The following GABRG3 variants were observed in gnomAD, a reference collection of about 807,000 sequenced individuals.
GABRG3 encodes gamma-aminobutyric acid type A receptor subunit gamma3, also known as gamma-aminobutyric acid receptor subunit gamma-3.
A neutral mutation model predicts 48.8 loss-of-function variants in GABRG3; 25 were observed. The observed-to-expected ratio is 0.51, with a 90% CI of 0.37 to 0.72. The LOEUF is 0.72. Among genes scored for constraint, GABRG3 ranks in the 30% least tolerant of loss-of-function variants. The probability of loss-of-function intolerance (pLI) is 0.00; values close to 1 mark genes in which losing one functional copy is unlikely to be tolerated. For missense variants in GABRG3, 394 were observed against 577.9 expected (o/e 0.68, Z 3.26); for synonymous variants, 227 against 217.6 (o/e 1.04, Z -0.38).
intron 3 of GABRG3, among the ~76,000 whole-genome samples, chr15:27,308,018 A>G (rs926320602): frequency 2.1e-5 from 3 of 140,214 alleles, no homozygotes; most frequent in Non-Finnish European, 4.6e-5. Flanking sequence ...ACGTATATAT[A>G]AAATAAACAT....
At chr15:27,310,902 G>A (rs1892971242) in intron 3 of GABRG3, among the ~76,000 whole-genome samples, 1 of 152,160 alleles carries the variant, frequency 6.6e-6, no homozygotes, top group South Asian at 2.1e-4. Flanking sequence ...TAGTGTTGGA[G>A]TAATTGGATG....
At chr15:27,183,702 A>G (rs2140418185) in intron 3 of GABRG3, among the ~76,000 whole-genome samples, 1 of 152,378 alleles carries the variant, frequency 6.6e-6, no homozygotes, top group South Asian at 2.1e-4. Flanking sequence ...GTATTATGCA[A>G]GAGGAATTTT....
intron 9 of GABRG3, among the ~76,000 whole-genome samples, chr15:27,531,197 C>T (rs1891415460): frequency 6.6e-6 from 1 of 152,156 alleles, no homozygotes; most frequent in Non-Finnish European, 1.5e-5. Flanking sequence ...GCAAGCAACA[C>T]CCTGTGAACA....
intron 3 of GABRG3, among the ~76,000 whole-genome samples, chr15:27,309,016 T>A (rs952727301): frequency 4.0e-5 from 6 of 150,654 alleles, no homozygotes; most frequent in Non-Finnish European, 3.0e-5. Context: ...AAAATATATG[T>A]TTATATAGAA....
chr15:27,063,145 A>G (rs1224877670), intron 3 of GABRG3, among the ~76,000 whole-genome samples: 1 of 152,250 alleles, frequency 6.6e-6, no homozygotes, highest in Non-Finnish European at 1.5e-5. Context: ...CTGTTGCAAG[A>G]TGAGGACAAA....
At chr15:27,477,309 A>G (rs567333362) in intron 5 of GABRG3, among the ~76,000 whole-genome samples, 2 of 152,346 alleles carry the variant, frequency 1.3e-5, no homozygotes, top group Admixed American at 6.5e-5. Context: ...CATATTACTA[A>G]TAAGCAAACC....
At chr15:27,085,670 T>A (rs1897063340) in intron 3 of GABRG3, among the ~76,000 whole-genome samples, 1 of 152,054 alleles carries the variant, frequency 6.6e-6, no homozygotes, top group South Asian at 2.1e-4. Context: ...AATAACAAAC[T>A]TTTTTTTGTT....
intron 3 of GABRG3, among the ~76,000 whole-genome samples, chr15:27,307,477 ATAGGTT>A (rs1338315373): frequency 0.14 from 2,183 of 15,762 alleles, 53 homozygotes; most frequent in Non-Finnish European, 0.25. Flanking sequence ...ATATATAAAC[ATAGGTT>A]TATAGGTTTA....
At chr15:27,529,212 A>T (rs1012168047) in intron 9 of GABRG3, among the ~76,000 whole-genome samples, 2 of 152,232 alleles carry the variant, frequency 1.3e-5, no homozygotes, top group Admixed American at 6.5e-5. Flanking sequence ...CCCTATAAAT[A>T]TTGACCAAGG....
chr15:27,163,380 A>AT (rs945402775), intron 3 of GABRG3, among the ~76,000 whole-genome samples: 5 of 151,792 alleles, frequency 3.3e-5, no homozygotes, highest in African/African-American at 7.3e-5. Flanking sequence ...TAATTTTCCT[A>AT]TTTTTTTGTA....
chr15:27,270,537 G>A (rs1891049028), intron 3 of GABRG3, among the ~76,000 whole-genome samples: 1 of 152,182 alleles, frequency 6.6e-6, no homozygotes, highest in South Asian at 2.1e-4. Flanking sequence ...GTCTGTACAA[G>A]TTGATTTCAC....
At chr15:26,990,508 A>G (rs1895227901) in intron 2 of GABRG3, among the ~76,000 whole-genome samples, 1 of 152,268 alleles carries the variant, frequency 6.6e-6, no homozygotes, top group Non-Finnish European at 1.5e-5. Flanking sequence ...TGAGCTCATT[A>G]TATATTCTGG....
intron 5 of GABRG3, among the ~76,000 whole-genome samples, chr15:27,374,729 C>T (rs147943131): frequency 3.3e-4 from 50 of 152,244 alleles, no homozygotes; most frequent in African/African-American, 1.1e-3. Context: ...GTGGACCACA[C>T]CTCAGAGTTA....
intron 5 of GABRG3, among the ~76,000 whole-genome samples, chr15:27,464,196 C>T (rs1311344225): frequency 1.3e-5 from 2 of 152,078 alleles, no homozygotes; most frequent in African/African-American, 2.4e-5. Context: ...TAACTATTAT[C>T]ACTTCCTAAT....
chr15:27,286,890 C>A (rs1891631555), intron 3 of GABRG3, among the ~76,000 whole-genome samples: 2 of 152,160 alleles, frequency 1.3e-5, no homozygotes, highest in Admixed American at 6.5e-5. Context: ...GCCCTACTCT[C>A]TCCCTCCAGA....
chr15:27,108,604 G>T (rs1219289487), intron 3 of GABRG3, among the ~76,000 whole-genome samples: 1 of 152,192 alleles, frequency 6.6e-6, no homozygotes, highest in East Asian at 1.9e-4. Context: ...TTGGTGGATA[G>T]TGCTGTCCAG....
chr15:27,180,639 GTGTC>G lies in GABRG3; in HGVS notation c.271-146162_271-146159del, dbSNP rs899925428. ...TGAACTTACACATTGTGCCATGTGT[GTGTC>G]TGTCTGTGTGTGTTTGTGTGTGCAC... is the stretch of plus-strand genomic sequence containing the variant. On this transcript the variant is annotated intron_variant, in intron 3 of 9. Coordinates refer to ENST00000615808, the MANE Select transcript of GABRG3 (RefSeq NM_033223.5). The surrounding 1 kb of genome is among the most constrained non-coding windows in gnomAD (Gnocchi z 4.2). Among the ~76,000 whole-genome samples the G allele has an allele frequency of 4.6e-5, 7 of 152,256 alleles. No individual in the cohort carries two copies. Among genetic ancestry groups the G allele is most frequent in the South Asian group, 2.1e-4 (1 of 4,818 alleles).
chr15:27,407,932 A>T (rs532130133), intron 5 of GABRG3, among the ~76,000 whole-genome samples: 1 of 152,312 alleles, frequency 6.6e-6, no homozygotes, highest in South Asian at 2.1e-4. Flanking sequence ...GAATGTACAC[A>T]AGAAGAGTGA....
intron 3 of GABRG3, among the ~76,000 whole-genome samples, chr15:27,287,490 T>G (rs2140483857): frequency 6.6e-6 from 1 of 152,306 alleles, no homozygotes; most frequent in Admixed American, 6.5e-5. Flanking sequence ...CTCGTATATC[T>G]TCCTGAAAGA....
Sources: allele counts gnomAD v4.1 joint callset (sites outside exome capture counted in the v4.1 genomes callset), GRCh38; gene constraint gnomAD v4.1.1; non-coding constraint Gnocchi (gnomAD v3.1); transcripts MANE v1.5; gene names NCBI Gene and HGNC (gene_info 2026-07-23, HGNC 2026-07-21).